Variants in PDE4DIP observed in about 807,000 individuals in gnomAD.
The protein encoded by PDE4DIP is phosphodiesterase 4D interacting protein, also known as myomegalin.
PDE4DIP carries 59 observed loss-of-function variants against 221.4 expected under a neutral mutation model. The observed-to-expected ratio is 0.27, with a 90% confidence interval of 0.22 to 0.33. The LOEUF (loss-of-function observed/expected upper bound fraction) is 0.33. Among genes scored for constraint, PDE4DIP ranks in the 10% least tolerant of loss-of-function variants. The pLI is 1.00. For missense variants in PDE4DIP, 1,036 were observed against 2,154.2 expected, an observed-to-expected ratio of 0.48 and a Z score of 10.28; for synonymous variants, 404 against 815.9, an observed-to-expected ratio of 0.50 and a Z score of 8.60.
At chr1:149,025,125 T>C (rs61805029) in intron 38 of PDE4DIP, among the ~76,000 whole-genome samples, 7 of 149,508 alleles carry the variant, frequency 4.7e-5, no homozygotes, top group Non-Finnish European at 5.9e-5. Flanking sequence ...TATAATTTCA[T>C]CTGAAGTAAA....
intron 1 of PDE4DIP, among the ~76,000 whole-genome samples, chr1:148,824,234 AGACTC>A (rs1223754023): frequency 6.9e-6 from 1 of 145,796 alleles, no homozygotes; most frequent in Non-Finnish European, 1.5e-5. Flanking sequence ...TGTCATCTCA[AGACTC>A]GACAGGGGCT....
rs375157027 is a variant in PDE4DIP, at chr1:148,892,287, G to A, written c.141+2393G>A. Reference sequence around the variant, plus strand: ...TGGGATTACAGGCGTGAGCCACTGCGCCCCACCAGGATTTTTTTTTTTTTT... The same window carrying A: ...TGGGATTACAGGCGTGAGCCACTGCACCCCACCAGGATTTTTTTTTTTTTT... On this transcript the variant is annotated intron_variant, in intron 1 of 43. Coordinates refer to ENST00000369354, the Ensembl canonical transcript of PDE4DIP. Among the ~76,000 whole-genome samples the A allele has an allele frequency of 4.9e-5, 6 of 121,576 alleles. 1 individual carries two copies. The highest frequency in any genetic ancestry group is 5.0e-4 in the East Asian group (1 of 1,988). The allele number at this position is 121,576 out of a possible 152,430, so 79.8% of individuals were successfully genotyped here.
chr1:148,978,139 C>G, intron 18 of PDE4DIP, 86 bp downstream of exon 21: 2 of 1,357,082 alleles, frequency 1.5e-6, no homozygotes, highest in Non-Finnish European at 2.1e-6. Flanking sequence ...TTGCACACAT[C>G]GAATCCCTTG....
intron 21 of PDE4DIP, chr1:148,981,811 T>C (rs1258715991): frequency 5.2e-6 from 1 of 193,200 alleles, no homozygotes; most frequent in Non-Finnish European, 1.1e-5. Flanking sequence ...CCATATCATA[T>C]CATAAATGCA....
Position 149,023,541 on chromosome 1 carries a change from A to G in PDE4DIP, c.6086-904A>G, listed in dbSNP as rs587676422. Reference sequence around the variant, plus strand: ...TGAATGGAGGTAAATATATATACATATATATATTTATATATATGTGCATGT... The same window carrying G: ...TGAATGGAGGTAAATATATATACATGTATATATTTATATATATGTGCATGT... On this transcript the variant is annotated intron_variant, in intron 37 of 43. Coordinates refer to ENST00000369354, the Ensembl canonical transcript of PDE4DIP. 7.5e-4 allele frequency among the ~76,000 whole-genome samples: 110 copies of G among 146,686 alleles called. 3 individuals are homozygous for G. The highest frequency in any genetic ancestry group is 2.7e-3 in the African/African-American group (107 of 39,832).
chr1:149,032,072 C>T (rs1553638945), exon 44 of PDE4DIP: 7 of 1,608,496 alleles, frequency 4.4e-6, no homozygotes, highest in South Asian at 1.1e-5. Context: ...CCCTTTTGTG[C>T]AGCTACCTAT....
intron 5 of PDE4DIP, among the ~76,000 whole-genome samples, chr1:148,944,125 G>A (rs587646456): frequency 3.3e-5 from 5 of 152,192 alleles, no homozygotes; most frequent in African/African-American, 9.7e-5. Flanking sequence ...TGGGGAGAAC[G>A]CAGTATGGAG....
At chr1:148,979,410 A>G (rs1447560669) in intron 19 of PDE4DIP, among the ~76,000 whole-genome samples, 4 of 152,192 alleles carry the variant, frequency 2.6e-5, no homozygotes, top group African/African-American at 9.7e-5. Flanking sequence ...GAATGAATGA[A>G]GAATACTAGT....
intron 43 of PDE4DIP, 83 bp from the exon 47 acceptor site, chr1:149,031,861 G>A (rs587731474): frequency 2.4e-4 from 321 of 1,356,238 alleles, no homozygotes; most frequent in African/African-American, 4.3e-4. Flanking sequence ...TGGTCACCAC[G>A]TAGCTCTCAC....
At chr1:148,960,145 A>G (rs1363872726) in intron 5 of PDE4DIP, among the ~76,000 whole-genome samples, 14 of 152,306 alleles carry the variant, frequency 9.2e-5, no homozygotes, top group African/African-American at 3.4e-4. Context: ...TTAGAAAATT[A>G]GACATTGATA....
At chr1:148,923,682 G>C (rs2046018291) in intron 1 of PDE4DIP, among the ~76,000 whole-genome samples, 2 of 144,670 alleles carry the variant, frequency 1.4e-5, no homozygotes, top group Admixed American at 6.8e-5. Context: ...ACCGTGTTAG[G>C]CAGGATGGTC....
Position 149,009,657 on chromosome 1 carries a change from A to G in PDE4DIP, c.4793A>G (p.His1598Arg), listed in dbSNP as rs1778155. 7 of 1,614,096 alleles carry G rather than the reference A, an allele frequency of 4.3e-6. No individual in the cohort carries two copies. In the African/African-American group the frequency reaches 8.0e-5, roughly 18 times the overall value. Reference sequence around the variant, plus strand: ...CGGTCCCTCACACCCTCCAGCAGCCATGCCTTGTCTGACTCCCACCGCTCT... The same window carrying G: ...CGGTCCCTCACACCCTCCAGCAGCCGTGCCTTGTCTGACTCCCACCGCTCT... The change falls in exon 30 of 44, where the codon CAT becomes CGT. Residue 1598 changes from histidine to arginine, a missense_variant. His to Arg is a conservative substitution (Grantham distance 29). Coordinates refer to ENST00000369354, the Ensembl canonical transcript of PDE4DIP.
chr1:148,966,450 CTTG>C (rs1257133313), intron 10 of PDE4DIP, 90 bp from the exon 14 acceptor site: 1 of 585,874 alleles, frequency 1.7e-6, no homozygotes, highest in Non-Finnish European at 3.1e-6. Flanking sequence ...GTGATCACAT[CTTG>C]TTTTTTTTTT....
At chr1:148,823,976 A>G (rs2149852720) in intron 1 of PDE4DIP, among the ~76,000 whole-genome samples, 1 of 148,628 alleles carries the variant, frequency 6.7e-6, no homozygotes, top group African/African-American at 2.5e-5. Context: ...AGAGAATAAT[A>G]GCTTCTTTGT....
chr1:149,009,819 T>C, intron 30 of PDE4DIP, 28 bp downstream of exon 33: 2 of 1,443,726 alleles, frequency 1.4e-6, no homozygotes, highest in Non-Finnish European at 2.0e-6. Context: ...GGTGGTACCA[T>C]CTTTGTCTAG....
chr1:149,030,744 T>G (rs2076504955), intron 43 of PDE4DIP: 1 of 985,252 alleles, frequency 1.0e-6, no homozygotes, highest in Non-Finnish European at 1.2e-6. Context: ...GAACAGCAAT[T>G]TGATTTTGCT....
chr1:149,018,100 A>G lies in PDE4DIP; in HGVS notation c.5650+221A>G, dbSNP rs587762966. 3.7e-3 allele frequency among the ~76,000 whole-genome samples: 569 copies of G among 152,110 alleles called. 1 individual carries two copies. The highest frequency in any genetic ancestry group is 5.5e-3 in the Non-Finnish European group (377 of 67,982). ...CCAGAGTCACCTGACTTCTCACCCCATACTTAATCTGCTTATATACTGCTG... is the reference window on the plus strand; with the variant it reads ...CCAGAGTCACCTGACTTCTCACCCCGTACTTAATCTGCTTATATACTGCTG... On this transcript the variant is annotated intron_variant, in intron 34 of 43. Coordinates refer to ENST00000369354, the Ensembl canonical transcript of PDE4DIP.
In PDE4DIP at chr1:149,028,774, A is replaced by G. The variant is rs1432034659; in HGVS notation, c.6813+71A>G. ...CCTCCAATACTGTTCTGTCTCCTCA[A>G]TGTCACAGCTTTTCCAGAAAATCAG... On this transcript the variant is annotated intron_variant, in intron 41 of 43. Coordinates refer to ENST00000369354, the Ensembl canonical transcript of PDE4DIP. The G allele has an allele frequency of 1.4e-5, 12 of 831,918 alleles. 1 individual carries two copies. The highest frequency in any genetic ancestry group is 8.5e-5 in the African/African-American group (5 of 58,566). The allele number at this position is 831,918 out of a possible 1,614,324, so 51.5% of individuals were successfully genotyped here.
At chr1:149,005,875 G>A (rs1553596993) in intron 27 of PDE4DIP, among the ~76,000 whole-genome samples, 1 of 152,002 alleles carries the variant, frequency 6.6e-6, no homozygotes, top group Non-Finnish European at 1.5e-5. Flanking sequence ...GCTCATGCCT[G>A]TAATCCCAGC....
Sources: gnomAD v4.1 joint callset for allele counts (sites outside exome capture counted in the v4.1 genomes callset) on GRCh38, gnomAD v4.1.1 for gene constraint, MANE v1.5 for transcripts, NCBI Gene and HGNC (gene_info 2026-07-23, HGNC 2026-07-21) for gene names.